The following TAFA2 variants were observed in gnomAD, a reference collection of about 807,000 sequenced individuals.
The protein encoded by TAFA2 is TAFA chemokine like family member 2.
A neutral mutation model predicts 18.8 loss-of-function variants in TAFA2; 7 were observed. The observed-to-expected ratio is 0.37, with a 90% CI of 0.21 to 0.70. The LOEUF (loss-of-function observed/expected upper bound fraction) is 0.70. Among genes scored for constraint, TAFA2 ranks in the 30% least tolerant of loss-of-function variants. TAFA2 has a pLI of 0.53. For missense variants in TAFA2, 122 were observed against 158.1 expected, an observed-to-expected ratio of 0.77 and a Z score of 1.23; for synonymous variants, 60 against 54.2, an observed-to-expected ratio of 1.11 and a Z score of -0.47.
At chr12:61,728,696 T>C (rs146909530) in intron 4 of TAFA2, among the ~76,000 whole-genome samples, 1 of 152,178 alleles carries the variant, frequency 6.6e-6, no homozygotes, top group East Asian at 1.9e-4. Context: ...TTCTGCATAT[T>C]TGAAGTGGAA....
At chr12:62,110,954 TTTTTTTGAAGGG>T (rs1245805731) in intron 1 of TAFA2, among the ~76,000 whole-genome samples, 2 of 152,040 alleles carry the variant, frequency 1.3e-5, no homozygotes, top group African/African-American at 4.8e-5. Context: ...GATTCATTGA[TTTTTTTGAAGGG>T]TTTTTTGTGT....
chr12:62,088,883 TCTC>T (rs1259522642), intron 1 of TAFA2, among the ~76,000 whole-genome samples: 27 of 61,018 alleles, frequency 4.4e-4, no homozygotes, highest in Non-Finnish European at 8.9e-4. Flanking sequence ...TTTTTCTTTC[TCTC>T]TCTCTCTCTC....
At chr12:61,863,109 G>A (rs1361852765) in intron 2 of TAFA2, among the ~76,000 whole-genome samples, 1 of 152,162 alleles carries the variant, frequency 6.6e-6, no homozygotes, top group Non-Finnish European at 1.5e-5. Context: ...GCATATCCCA[G>A]AAAGGGGATA....
intron 1 of TAFA2, chr12:61,880,637 C>T (rs1875086116): frequency 5.5e-5 from 21 of 384,172 alleles, no homozygotes; most frequent in South Asian, 3.0e-4. Flanking sequence ...TCAGCTATGG[C>T]CTGAGCTCTA....
intron 1 of TAFA2, among the ~76,000 whole-genome samples, chr12:62,141,465 A>G (rs1013952853): frequency 2.0e-5 from 3 of 152,142 alleles, no homozygotes; most frequent in African/African-American, 2.4e-5. Flanking sequence ...TTTACCTGCC[A>G]TCTTCTATGT....
intron 2 of TAFA2, among the ~76,000 whole-genome samples, chr12:61,758,995 G>T (rs1457502494): frequency 6.6e-6 from 1 of 151,900 alleles, no homozygotes; most frequent in East Asian, 1.9e-4. Flanking sequence ...CTCTTTCATG[G>T]TCCTATAACA....
chr12:61,961,932 T>C (rs1878900320), intron 1 of TAFA2, among the ~76,000 whole-genome samples: 1 of 152,042 alleles, frequency 6.6e-6, no homozygotes, highest in African/African-American at 2.4e-5. Context: ...GCATTTAACT[T>C]CATTTTGATT....
At chr12:61,815,159 C>A (rs1344898445) in intron 2 of TAFA2, among the ~76,000 whole-genome samples, 1 of 151,254 alleles carries the variant, frequency 6.6e-6, no homozygotes, top group Non-Finnish European at 1.5e-5. Flanking sequence ...GAGAGGAGGA[C>A]ATATATCTAC....
chr12:62,219,009 AAG>A (rs1458316706), intron 1 of TAFA2, among the ~76,000 whole-genome samples: 2 of 152,182 alleles, frequency 1.3e-5, no homozygotes, highest in East Asian at 3.8e-4. Context: ...ATAATTAGAA[AAG>A]ATGAGGACAA....
chr12:62,153,675 A>T (rs1012790318), intron 1 of TAFA2, among the ~76,000 whole-genome samples: 2 of 152,124 alleles, frequency 1.3e-5, no homozygotes, highest in African/African-American at 4.8e-5. Context: ...TCTCAAAAAA[A>T]AAAAGGCAAC....
At chr12:62,110,654 G>A (rs539894781) in intron 1 of TAFA2, among the ~76,000 whole-genome samples, 18 of 121,066 alleles carry the variant, frequency 1.5e-4, no homozygotes, top group African/African-American at 5.4e-4. Context: ...ATTAATTACT[G>A]CCTCAATTTC....
At chr12:61,756,251 C>T (rs899821732) in intron 2 of TAFA2, among the ~76,000 whole-genome samples, 2 of 151,970 alleles carry the variant, frequency 1.3e-5, no homozygotes, top group Non-Finnish European at 2.9e-5. Context: ...ACATATAATC[C>T]TCAATAGAAC....
chr12:61,773,065 A>C (rs990235942), intron 2 of TAFA2, among the ~76,000 whole-genome samples: 3 of 151,974 alleles, frequency 2.0e-5, no homozygotes, highest in African/African-American at 7.2e-5. Context: ...ACCAACAGTG[A>C]CCAAGCTGAG....
chr12:62,188,265 G>A (rs572147727), intron 1 of TAFA2, among the ~76,000 whole-genome samples: 2 of 151,552 alleles, frequency 1.3e-5, no homozygotes, highest in African/African-American at 4.8e-5. Flanking sequence ...GCATTGCACA[G>A]TAAGGTTCCT....
chr12:62,152,687 C>T (rs2062337111), intron 1 of TAFA2, among the ~76,000 whole-genome samples: 1 of 152,188 alleles, frequency 6.6e-6, no homozygotes, highest in South Asian at 2.1e-4. Flanking sequence ...GCTAGTTGTA[C>T]ACAGCTGCAG....
intron 1 of TAFA2, among the ~76,000 whole-genome samples, chr12:62,126,365 A>C (rs1316823716): frequency 6.6e-6 from 1 of 152,124 alleles, no homozygotes; most frequent in Non-Finnish European, 1.5e-5. Flanking sequence ...TTTCCAAGCA[A>C]AGGCATTAAC....
intron 1 of TAFA2, among the ~76,000 whole-genome samples, chr12:62,010,528 T>C (rs1218867890): frequency 2.0e-5 from 3 of 152,208 alleles, no homozygotes; most frequent in East Asian, 3.9e-4. Flanking sequence ...TCCAGCCGCC[T>C]GCCTTGGCCT....
intron 1 of TAFA2, among the ~76,000 whole-genome samples, chr12:62,209,228 T>C (rs181069113): frequency 2.0e-5 from 3 of 152,318 alleles, no homozygotes; most frequent in Admixed American, 2.0e-4. Context: ...CAGGTGGAGG[T>C]AACTGAATCA....
At chr12:62,205,916 G>A (rs1338727770) in intron 1 of TAFA2, among the ~76,000 whole-genome samples, 2 of 152,172 alleles carry the variant, frequency 1.3e-5, no homozygotes, top group Non-Finnish European at 2.9e-5. Context: ...ATAAGGTGTG[G>A]TTTCCCAGGT....
Sources: allele counts gnomAD v4.1 joint callset (sites outside exome capture counted in the v4.1 genomes callset), GRCh38; gene constraint gnomAD v4.1.1; transcripts MANE v1.5; gene names NCBI Gene and HGNC (gene_info 2026-07-23, HGNC 2026-07-21).